Variants in PARD6G observed in about 807,000 individuals in gnomAD.
PARD6G encodes the protein par-6 family cell polarity regulator gamma.
PARD6G carries 7 observed loss-of-function variants against 10.7 expected under a neutral mutation model. The ratio of observed to expected loss-of-function variants is 0.66; its 90% CI spans 0.37 to 1.23. PARD6G has a LOEUF of 1.23. PARD6G is among the 50% of genes most tolerant of loss of function. PARD6G has a pLI of 0.02. For missense variants in PARD6G, 548 were observed against 571.8 expected, an observed-to-expected ratio of 0.96 and a Z score of 0.42; for synonymous variants, 287 against 269.4, an observed-to-expected ratio of 1.07 and a Z score of -0.64.
chr18:80,222,574 A>G (rs1967243714), intron 1 of PARD6G, among the ~76,000 whole-genome samples: 1 of 152,168 alleles, frequency 6.6e-6, no homozygotes, highest in African/African-American at 2.4e-5. Flanking sequence ...ACACTTCCCA[A>G]TTTCAAAACT....
In PARD6G at chr18:80,181,092, G is replaced by A. The variant is rs2052846410; in HGVS notation, c.296-20486C>T. Among the ~76,000 whole-genome samples, 1 of 152,190 alleles carries A rather than the reference G, an allele frequency of 6.6e-6. No homozygotes were observed. Among genetic ancestry groups the A allele is most frequent in the African/African-American group, 2.4e-5 (1 of 41,440 alleles). ...ACGCGCGATCTCGACATTAGAACAT[G>A]GGCTGCGACCGGAGAAGCAGCCTGC... On this transcript the variant is annotated intron_variant, in intron 2 of 2. Coordinates refer to ENST00000353265, the MANE Select transcript of PARD6G (RefSeq NM_032510.4). This position sits in a 1 kb window ranked among gnomAD's most constrained non-coding sequence, Gnocchi z 7.9.
chr18:80,177,522 G>A (rs989775362), intron 2 of PARD6G, among the ~76,000 whole-genome samples: 42 of 133,162 alleles, frequency 3.2e-4, no homozygotes, highest in Admixed American at 5.4e-4. Flanking sequence ...ATGCATACGT[G>A]CACACACATG....
At position 80,159,610 on chromosome 18, in the gene PARD6G, A is replaced by C; in HGVS notation, c.*161T>G. 8.6e-7 allele frequency: 1 copy of C among 1,162,462 alleles called. No individual in the cohort carries two copies. The highest frequency in any genetic ancestry group is 1.1e-6 in the Non-Finnish European group (1 of 906,834). 72.0% of individuals were successfully genotyped at this position (1,162,462 alleles called of 1,614,324 possible). On this transcript the variant is annotated 3_prime_UTR_variant, in exon 3 of 3. Coordinates refer to ENST00000353265, the MANE Select transcript of PARD6G (RefSeq NM_032510.4). ...TAAGTTCTGTGGCGAAATTCTATAA[A>C]AATAGGCAATACTTGTGTTTTTATA...
chr18:80,170,368 C>A (rs1197611553), intron 2 of PARD6G: 1 of 152,314 alleles, frequency 6.6e-6, no homozygotes, highest in Non-Finnish European at 1.5e-5. Context: ...TCAGGGGATT[C>A]TTCCAGGCTT....
At chr18:80,170,322 G>GGCATCCTCCACAGGCTTGGTCTACAGCAT (rs2052767234) in intron 2 of PARD6G, 5 of 152,268 alleles carry the variant, frequency 3.3e-5, no homozygotes, top group Non-Finnish European at 7.3e-5. Context: ...GTCTCCTTGT[G>GGCATCCTCCACAGGCTTGGTCTACAGCAT]GCATCCTCCA....
rs1967002653 is a variant in PARD6G, at chr18:80,201,023, CCCA to C, written c.295+1684_295+1686del. ...ACACCTTCTTCACACCATTGCTCAC[CCCA>C]CACCATGTGAGCAAATGCTGTGACC... On this transcript the variant is annotated intron_variant, in intron 2 of 2. Coordinates refer to ENST00000353265, the MANE Select transcript of PARD6G (RefSeq NM_032510.4). The surrounding 1 kb of genome is among the most constrained non-coding windows in gnomAD (Gnocchi z 5.9). Among the ~76,000 whole-genome samples, 4 of 152,316 alleles carry C rather than the reference CCCA, an allele frequency of 2.6e-5. No homozygotes were observed. In the South Asian group the frequency reaches 8.3e-4, roughly 32 times the overall value.
chr18:80,238,509 T>C (rs541834818), intron 1 of PARD6G, among the ~76,000 whole-genome samples: 3 of 151,648 alleles, frequency 2.0e-5, no homozygotes, highest in East Asian at 3.9e-4. Context: ...AAAACAACTA[T>C]TTTTTTAACC....
rs35685615 is a variant in PARD6G at position 80,214,017 on chromosome 18, C to T, written c.73-11085G>A. Among the ~76,000 whole-genome samples, 235 of 151,904 alleles carry T rather than the reference C, an allele frequency of 1.5e-3. 2 individuals carry two copies. The highest frequency in any genetic ancestry group is 7.7e-3 in the South Asian group (37 of 4,792). On this transcript the variant is annotated intron_variant, in intron 1 of 2. Transcript: ENST00000353265. ...CACAAAGAAACTGAAATAAAAAGCC[C>T]ATGCAGAGGAAAATAAAGCAGTCAG...
chr18:80,170,692 C>T (rs1179020136), intron 2 of PARD6G: 1 of 152,290 alleles, frequency 6.6e-6, no homozygotes, highest in African/African-American at 2.4e-5. Context: ...AAACACCACA[C>T]ACTAAGTCCT....
At chr18:80,172,911 C>T (rs545781606) in intron 2 of PARD6G, among the ~76,000 whole-genome samples, 55 of 152,236 alleles carry the variant, frequency 3.6e-4, no homozygotes, top group Non-Finnish European at 7.1e-4. Flanking sequence ...TTGCCTAATG[C>T]GAAGTCACAT....
chr18:80,205,555 A>G (rs1454210802), intron 1 of PARD6G, among the ~76,000 whole-genome samples: 1 of 152,146 alleles, frequency 6.6e-6, no homozygotes, highest in African/African-American at 2.4e-5. Flanking sequence ...TGTGATGGTG[A>G]GTGAGTGAGT....
chr18:80,210,861 G>A (rs908357652), intron 1 of PARD6G, among the ~76,000 whole-genome samples: 1 of 152,112 alleles, frequency 6.6e-6, no homozygotes, highest in Non-Finnish European at 1.5e-5. Flanking sequence ...CAAAGCAGCT[G>A]CTTATGTGAT....
intron 2 of PARD6G, among the ~76,000 whole-genome samples, chr18:80,165,727 G>T (rs1269586628): frequency 7.2e-6 from 1 of 139,444 alleles, no homozygotes; most frequent in Non-Finnish European, 1.7e-5. Flanking sequence ...TTTAGTAAAG[G>T]TTTGTTTTGA....
intron 1 of PARD6G, among the ~76,000 whole-genome samples, chr18:80,242,127 C>T (rs1195960838): frequency 6.6e-6 from 1 of 152,198 alleles, no homozygotes; most frequent in African/African-American, 2.4e-5. Context: ...TGGCAGCCTC[C>T]AGGGGCAGTG....
At position 80,192,927 on chromosome 18, in the gene PARD6G, A is replaced by G. The variant is rs866988890; in HGVS notation, c.295+9783T>C. Among the ~76,000 whole-genome samples the G allele has an allele frequency of 6.6e-6, 1 of 152,118 alleles. No homozygotes were observed. Among genetic ancestry groups the G allele is most frequent in the Non-Finnish European group, 1.5e-5 (1 of 68,020 alleles). On this transcript the variant is annotated intron_variant, in intron 2 of 2. Transcript: ENST00000353265. This position sits in a 1 kb window ranked among gnomAD's most constrained non-coding sequence, Gnocchi z 4.9. Reference sequence around the variant, plus strand: ...GGCAGCAACTTCTGGTGGATGAAGCACCAATGTGTCCAAGTCCTCCTGGCC... The same window carrying G: ...GGCAGCAACTTCTGGTGGATGAAGCGCCAATGTGTCCAAGTCCTCCTGGCC...
intron 2 of PARD6G, among the ~76,000 whole-genome samples, chr18:80,198,111 C>T (rs2145277601): frequency 6.6e-6 from 1 of 152,324 alleles, no homozygotes; most frequent in East Asian, 1.9e-4. Context: ...CCCCCAAATG[C>T]CATGTAGTCG....
At chr18:80,227,412 T>C (rs56257783) in intron 1 of PARD6G, among the ~76,000 whole-genome samples, 26,051 of 152,192 alleles carry the variant, frequency 0.17, 2,824 homozygotes, top group East Asian at 0.42. Context: ...CCTGTGGACA[T>C]TGCATTTGCC....
chr18:80,207,919 GAAA>G (rs1967069541), intron 1 of PARD6G, among the ~76,000 whole-genome samples: 1 of 152,220 alleles, frequency 6.6e-6, no homozygotes, highest in South Asian at 2.1e-4. Context: ...AAATCAAAGA[GAAA>G]AAGAAACCAT....
intron 2 of PARD6G, among the ~76,000 whole-genome samples, chr18:80,199,960 T>G (rs1966994072): frequency 6.6e-6 from 1 of 152,198 alleles, no homozygotes; most frequent in Non-Finnish European, 1.5e-5. Flanking sequence ...ACAGATTAAT[T>G]TTTTAAAACA....
Sources: gnomAD v4.1 joint callset for allele counts (sites outside exome capture counted in the v4.1 genomes callset) on GRCh38, gnomAD v4.1.1 for gene constraint, Gnocchi (gnomAD v3.1) non-coding constraint, MANE v1.5 for transcripts, NCBI Gene and HGNC (gene_info 2026-07-23, HGNC 2026-07-21) for gene names.